The following VPS13A variants were observed in gnomAD, a reference collection of about 807,000 sequenced individuals.
VPS13A encodes the protein vacuolar protein sorting 13 homolog A, also known as intermembrane lipid transfer protein VPS13A.
VPS13A carries 264 observed loss-of-function variants against 390.9 expected under a neutral mutation model. The ratio of observed to expected loss-of-function variants is 0.68; its 90% CI spans 0.61 to 0.75. The LOEUF is 0.75. VPS13A is among the 30% of genes least tolerant of loss of function. VPS13A has a pLI of 0.00. For synonymous variants in VPS13A, 1,231 were observed against 1,227.1 expected, an observed-to-expected ratio of 1.00 and a Z score of -0.07; for missense variants, 3,409 against 3,733.9, an observed-to-expected ratio of 0.91 and a Z score of 2.27.
At chr9:77,291,999 G>A (rs1827699319) in intron 31 of VPS13A, among the ~76,000 whole-genome samples, 1 of 152,024 alleles carries the variant, frequency 6.6e-6, no homozygotes, top group South Asian at 2.1e-4. Context: ...TTGTCCCTAG[G>A]ATACTGTATC....
chr9:77,340,078 A>G, intron 48 of VPS13A, 100 bp from the exon 49 acceptor site: 8 of 1,357,868 alleles, frequency 5.9e-6, no homozygotes, highest in Non-Finnish European at 7.3e-6. Context: ...GTGCATTAAC[A>G]ATATAATATT....
intron 23 of VPS13A, among the ~76,000 whole-genome samples, chr9:77,271,744 GA>G (rs1195196151): frequency 4.6e-5 from 7 of 152,198 alleles, no homozygotes; most frequent in Admixed American, 2.6e-4. Flanking sequence ...ATTCATTTAA[GA>G]ACTTAACAAA....
At chr9:77,306,349 C>G (rs1338607212) in intron 34 of VPS13A, among the ~76,000 whole-genome samples, 1 of 149,718 alleles carries the variant, frequency 6.7e-6, no homozygotes, top group African/African-American at 2.5e-5. Flanking sequence ...ACTCAAAGAT[C>G]TTTTTTACAT....
At chr9:77,260,668 T>G (rs1269587895) in intron 23 of VPS13A, among the ~76,000 whole-genome samples, 2 of 152,078 alleles carry the variant, frequency 1.3e-5, no homozygotes, top group African/African-American at 4.8e-5. Flanking sequence ...AAATTACATG[T>G]TGAGAGAGAA....
chr9:77,392,590 C>T (rs1260915316), intron 68 of VPS13A, among the ~76,000 whole-genome samples: 1 of 151,932 alleles, frequency 6.6e-6, no homozygotes, highest in African/African-American at 2.4e-5. Flanking sequence ...ACGTTCAGTT[C>T]CAGACCACCA....
intron 13 of VPS13A, 121 bp downstream of exon 13, chr9:77,221,477 T>G: frequency 8.9e-7 from 1 of 1,122,536 alleles, no homozygotes; most frequent in Non-Finnish European, 1.3e-6. Flanking sequence ...CTCTTTTACT[T>G]AGACTTTTTT....
chr9:77,371,781 A>G (rs368855344), intron 67 of VPS13A, among the ~76,000 whole-genome samples: 1,714 of 142,776 alleles, frequency 0.012, 28 homozygotes, highest in African/African-American at 0.043. Flanking sequence ...AGCATTAGGT[A>G]TATCTCCCAA....
Position 77,407,593 on chromosome 9 carries a change from C to T in VPS13A, c.9460C>T (p.Pro3154Ser), listed in dbSNP as rs1433999050. 1.1e-5 allele frequency: 17 copies of T among 1,611,096 alleles called. No homozygotes were observed. Among genetic ancestry groups the T allele is most frequent in the Non-Finnish European group, 1.1e-5 (13 of 1,177,740 alleles). Residue 3154 changes from proline to serine, a missense_variant, in exon 71 of 72, where the codon CCA becomes TCA. By Grantham distance (74) the Pro-to-Ser change is moderately conservative (BLOSUM62 -1). Coordinates refer to ENST00000360280, the MANE Select transcript of VPS13A (RefSeq NM_033305.3). ...EFGKIINFKT[P>S]EDARWILTKL... is the part of the protein sequence containing the mutation. ...TGGAAAAATAATTAACTTCAAGACC[C>T]CAGAGGATGCCAGGGTAAATATAAT...
chr9:77,413,882 C>G (rs1337346109), intron 71 of VPS13A, among the ~76,000 whole-genome samples: 1 of 152,024 alleles, frequency 6.6e-6, no homozygotes, highest in African/African-American at 2.4e-5. Context: ...ACAATGAACT[C>G]AAACAAATCT....
At chr9:77,229,912 A>G (rs1032606421) in intron 17 of VPS13A, among the ~76,000 whole-genome samples, 1 of 152,106 alleles carries the variant, frequency 6.6e-6, no homozygotes, top group East Asian at 1.9e-4. Context: ...CAATTTCTTC[A>G]TATCTTCATC....
At chr9:77,377,873 T>A (rs1170547779) in intron 67 of VPS13A, among the ~76,000 whole-genome samples, 1 of 152,218 alleles carries the variant, frequency 6.6e-6, no homozygotes, top group Non-Finnish European at 1.5e-5. Flanking sequence ...GTCTTTATCA[T>A]GAAAACATGT....
intron 68 of VPS13A, among the ~76,000 whole-genome samples, chr9:77,387,137 C>CA (rs11415950): frequency 0.42 from 61,367 of 146,936 alleles, 12,558 homozygotes; most frequent in East Asian, 0.53. Context: ...CTAGTAAAAG[C>CA]AAAAAAAAAA....
chr9:77,349,120 T>C (rs1247565038), intron 52 of VPS13A, among the ~76,000 whole-genome samples: 1 of 152,118 alleles, frequency 6.6e-6, no homozygotes, highest in African/African-American at 2.4e-5. Context: ...ACAGAAAAAA[T>C]GTGAAAGAGG....
At chr9:77,339,988 A>C (rs1041251357) in intron 48 of VPS13A, 77 bp downstream of exon 48, 11 of 1,517,364 alleles carry the variant, frequency 7.2e-6, no homozygotes, top group Non-Finnish European at 9.8e-6. Context: ...CTGAGTAATA[A>C]ATATTATGAA....
Position 77,359,531 on chromosome 9 carries a change from A to T in VPS13A, c.8105+129A>T, listed in dbSNP as rs898385621. ...AAAATATTAATTATAAACGTCAAAT[A>T]AAAAAATATAATGTTGTGGCTCACG... is the stretch of plus-strand genomic sequence containing the variant. On this transcript the variant is annotated intron_variant, in intron 58 of 71. Coordinates refer to ENST00000360280, the MANE Select transcript of VPS13A (RefSeq NM_033305.3). The T allele has an allele frequency of 3.3e-6, 3 of 909,564 alleles. No homozygotes were observed. In the African/African-American group the frequency reaches 5.0e-5, roughly 15 times the overall value. The allele number at this position is 909,564 out of a possible 1,614,324, so 56.3% of individuals were successfully genotyped here.
chr9:77,268,991 T>C (rs1826202462), intron 23 of VPS13A, among the ~76,000 whole-genome samples: 1 of 152,204 alleles, frequency 6.6e-6, no homozygotes, highest in South Asian at 2.1e-4. Context: ...CTGAATACTT[T>C]AGTGTTTTGT....
intron 1 of VPS13A, among the ~76,000 whole-genome samples, chr9:77,189,814 T>G (rs908814551): frequency 1.3e-5 from 2 of 152,128 alleles, no homozygotes; most frequent in African/African-American, 2.4e-5. Context: ...TAGAGATCTT[T>G]TACCTCTCTG....
chr9:77,408,279 C>T (rs1834726075), intron 71 of VPS13A, among the ~76,000 whole-genome samples: 1 of 152,056 alleles, frequency 6.6e-6, no homozygotes, highest in South Asian at 2.1e-4. Context: ...TTGAGTTGTA[C>T]TCATTATATC....
At chr9:77,194,644 C>T (rs1326636085) in intron 1 of VPS13A, among the ~76,000 whole-genome samples, 1 of 152,120 alleles carries the variant, frequency 6.6e-6, no homozygotes, top group East Asian at 1.9e-4. Flanking sequence ...TTCTAGAGGT[C>T]CATGACAAGA....
Sources: gnomAD v4.1 joint callset for allele counts (sites outside exome capture counted in the v4.1 genomes callset) on GRCh38, gnomAD v4.1.1 for gene constraint, MANE v1.5 for transcripts, NCBI Gene and HGNC (gene_info 2026-07-23, HGNC 2026-07-21) for gene names.